SOX5: variants seen among roughly 807,000 people sequenced by gnomAD.
The protein encoded by SOX5 is SRY-box transcription factor 5.
A neutral mutation model predicts 92.0 loss-of-function variants in SOX5; 9 were observed. That is an observed-to-expected ratio of 0.10 (90% confidence interval 0.06 to 0.17). The LOEUF (loss-of-function observed/expected upper bound fraction) is 0.17, where lower values mean the gene tolerates loss of function less well. Among genes scored for constraint, SOX5 ranks in the 10% least tolerant of loss-of-function variants. The pLI is 1.00. For synonymous variants in SOX5, 344 were observed against 336.3 expected, an observed-to-expected ratio of 1.02 and a Z score of -0.25; for missense variants, 642 against 944.5, an observed-to-expected ratio of 0.68 and a Z score of 4.20.
At chr12:23,575,554 A>G (rs1948985421) in intron 10 of SOX5, 107 bp downstream of exon 10, 5 of 1,033,448 alleles carry the variant, frequency 4.8e-6, no homozygotes, top group Admixed American at 4.2e-5. Flanking sequence ...AAGCTGTCCT[A>G]TAGAATTCAA....
intron 2 of SOX5, among the ~76,000 whole-genome samples, chr12:23,860,547 A>C (rs907765869): frequency 3.3e-5 from 5 of 152,154 alleles, no homozygotes; most frequent in Admixed American, 6.6e-5. Context: ...GCCCAACTAA[A>C]TTAGTTTATA....
At chr12:23,697,530 A>G (rs2090044513) in intron 6 of SOX5, among the ~76,000 whole-genome samples, 1 of 152,074 alleles carries the variant, frequency 6.6e-6, no homozygotes, top group African/African-American at 2.4e-5. Flanking sequence ...GTTTGTTTAG[A>G]TAATTTACAT....
At chr12:24,207,358 C>T (rs1427811831) in intron 4 of SOX5, among the ~76,000 whole-genome samples, 5 of 151,872 alleles carry the variant, frequency 3.3e-5, no homozygotes, top group African/African-American at 7.3e-5. Context: ...AATATCGCCA[C>T]GTTCAACCAA....
intron 2 of SOX5, among the ~76,000 whole-genome samples, chr12:24,317,670 G>C (rs1177417579): frequency 6.6e-6 from 1 of 152,150 alleles, no homozygotes; most frequent in Non-Finnish European, 1.5e-5. Flanking sequence ...TATTCTCTTT[G>C]TTAATGCTGA....
intron 4 of SOX5, among the ~76,000 whole-genome samples, chr12:23,967,433 G>C (rs932755723): frequency 6.7e-6 from 1 of 150,032 alleles, no homozygotes; most frequent in Admixed American, 6.6e-5. Flanking sequence ...TCTGGTGACA[G>C]CATATGCAAG....
intron 9 of SOX5, chr12:23,582,390 A>G (rs1191395475): frequency 4.2e-5 from 20 of 476,910 alleles, no homozygotes; most frequent in Non-Finnish European, 5.2e-5. Flanking sequence ...TTTACGTGCA[A>G]GAGTCAAAGT....
intron 4 of SOX5, among the ~76,000 whole-genome samples, chr12:24,169,569 G>A (rs1953830054): frequency 6.6e-6 from 1 of 152,180 alleles, no homozygotes; most frequent in Non-Finnish European, 1.5e-5. Flanking sequence ...CCCACACAAT[G>A]TGTTTTGGTT....
At chr12:24,513,060 C>T (rs1211296813) in intron 1 of SOX5, among the ~76,000 whole-genome samples, 1 of 152,172 alleles carries the variant, frequency 6.6e-6, no homozygotes, top group Non-Finnish European at 1.5e-5. Context: ...CATACTCTCT[C>T]ATGGTGCTGG....
chr12:23,707,992 A>T (rs1165880194), intron 6 of SOX5, among the ~76,000 whole-genome samples: 2 of 152,056 alleles, frequency 1.3e-5, no homozygotes, highest in Non-Finnish European at 2.9e-5. Flanking sequence ...CTCGTAAGAG[A>T]CTCAAATATA....
chr12:24,418,598 AGAG>A (rs776730306), intron 1 of SOX5, among the ~76,000 whole-genome samples: 2 of 152,250 alleles, frequency 1.3e-5, no homozygotes, highest in African/African-American at 2.4e-5. Flanking sequence ...GCTGATATAC[AGAG>A]GAGAACAGAA....
chr12:23,792,850 C>T (rs2095501525), intron 3 of SOX5, among the ~76,000 whole-genome samples: 1 of 151,910 alleles, frequency 6.6e-6, no homozygotes. Flanking sequence ...TTTTACTGTC[C>T]TGGATGAACA....
chr12:23,728,267 T>G (rs1445825409), intron 6 of SOX5, among the ~76,000 whole-genome samples: 1 of 152,224 alleles, frequency 6.6e-6, no homozygotes, highest in Non-Finnish European at 1.5e-5. Context: ...TGATGTATTT[T>G]ATTTCACATA....
chr12:23,877,700 T>C (rs1346940530), intron 2 of SOX5, among the ~76,000 whole-genome samples: 1 of 152,132 alleles, frequency 6.6e-6, no homozygotes, highest in African/African-American at 2.4e-5. Flanking sequence ...AATTGGGATA[T>C]ACTATGAATT....
chr12:23,841,828 T>C (rs1252518015), intron 3 of SOX5, among the ~76,000 whole-genome samples: 1 of 151,808 alleles, frequency 6.6e-6, no homozygotes, highest in Admixed American at 6.6e-5. Flanking sequence ...TAGTTTGGAG[T>C]GGTGAAGGCT....
intron 3 of SOX5, among the ~76,000 whole-genome samples, chr12:24,258,416 A>G (rs1397607913): frequency 1.3e-5 from 2 of 152,364 alleles, no homozygotes; most frequent in Non-Finnish European, 2.9e-5. Context: ...ATTAAGTATT[A>G]TAAAACATCA....
intron 4 of SOX5, among the ~76,000 whole-genome samples, chr12:24,119,034 G>C (rs1237851228): frequency 6.7e-6 from 1 of 150,020 alleles, no homozygotes; most frequent in Non-Finnish European, 1.5e-5. Flanking sequence ...TGTAAAAAAT[G>C]AGGAATATTT....
intron 1 of SOX5, among the ~76,000 whole-genome samples, chr12:23,910,241 T>C (rs1207109549): frequency 1.3e-5 from 2 of 152,116 alleles, no homozygotes; most frequent in Non-Finnish European, 2.9e-5. Context: ...GATATATAAA[T>C]TACATTTTAA....
At chr12:23,635,998 A>C (rs975317339) in intron 8 of SOX5, among the ~76,000 whole-genome samples, 1 of 152,174 alleles carries the variant, frequency 6.6e-6, no homozygotes, top group Non-Finnish European at 1.5e-5. Context: ...CCAAAGAATA[A>C]GGAAGTCTAG....
In SOX5 at chr12:24,533,338, T is replaced by C. The variant is rs569301031; in HGVS notation, c.-251+28991A>G. The stretch of plus-strand genomic sequence containing the variant: ...ATATGGAAGATAATTTGATGTTAAG[T>C]TCTCACATACACAACGTATTTCTGA... On this transcript the variant is annotated intron_variant, in intron 1 of 4. Transcript: ENST00000446891. Among the ~76,000 whole-genome samples the C allele has an allele frequency of 9.3e-4, 142 of 152,304 alleles. 1 individual carries two copies. Among genetic ancestry groups the C allele is most frequent in the African/African-American group, 3.2e-3 (134 of 41,570 alleles).
Sources: allele counts gnomAD v4.1 joint callset (sites outside exome capture counted in the v4.1 genomes callset), GRCh38; gene constraint gnomAD v4.1.1; transcripts MANE v1.5; gene names NCBI Gene and HGNC (gene_info 2026-07-23, HGNC 2026-07-21).